Variants in EMILIN2 observed in about 807,000 individuals in gnomAD.
EMILIN2 encodes the protein EMILIN-2.
In EMILIN2, 71 loss-of-function variants were observed where a neutral mutation model predicts 87.1. The ratio of observed to expected loss-of-function variants is 0.82; its 90% CI spans 0.67 to 0.99. The LOEUF (loss-of-function observed/expected upper bound fraction) is 0.99. Ranked by LOEUF, EMILIN2 falls within the 50% of genes least tolerant of loss-of-function variation. EMILIN2 has a pLI of 0.00. For synonymous variants in EMILIN2, 581 were observed against 563.4 expected, an observed-to-expected ratio of 1.03 and a Z score of -0.44; for missense variants, 1,407 against 1,371.8, an observed-to-expected ratio of 1.03 and a Z score of -0.40.
Position 2,871,559 on chromosome 18 carries a change from C to T in EMILIN2, c.258-13405C>T, listed in dbSNP as rs148033591. ...AGGGTGTGAGCATTGGGCCTGGGAC[C>T]GCAGTTCCTCCTGCTCCACAGGTTC... On this transcript the variant is annotated intron_variant, in intron 2 of 7. Transcript: ENST00000254528. 3.8e-3 allele frequency among the ~76,000 whole-genome samples: 580 copies of T among 152,286 alleles called. 1 individual carries two copies. Among genetic ancestry groups the T allele is most frequent in the Middle Eastern group, 6.8e-3 (2 of 294 alleles).
Position 2,890,751 on chromosome 18 carries a change from G to A in EMILIN2, c.624G>A (p.Val208=). The A allele has an allele frequency of 6.2e-7, 1 of 1,613,844 alleles. No homozygotes were observed. ...VLDLQSSLAG[V]SENLKHATQD... is the part of the protein sequence containing the mutation. The stretch of plus-strand genomic sequence containing the variant: ...ACCTCCAGTCTTCCCTTGCTGGAGT[G>A]AGTGAAAATCTCAAACATGCCACTC... The change falls in exon 4 of 8, where the codon GTG becomes GTA. Residue 208 remains valine (V), a synonymous_variant. Transcript: ENST00000254528. This position sits in a 1 kb window ranked among gnomAD's most constrained non-coding sequence, Gnocchi z 4.7.
At chr18:2,900,805 A>T (rs4797090) in intron 4 of EMILIN2, among the ~76,000 whole-genome samples, 53,002 of 152,064 alleles carry the variant, frequency 0.35, 9,726 homozygotes, top group Non-Finnish European at 0.39. Flanking sequence ...AGAGCAGTCA[A>T]CTGTGAAAGC....
rs141907803 is a variant in EMILIN2, at chr18:2,853,281, C to T, written c.257+5350C>T. On this transcript the variant is annotated intron_variant, in intron 2 of 7. Transcript: ENST00000254528. ...AATTAATCCTAAAAACCCTTGGCAG[C>T]TTGAACAGTCTGGTAGATCCTGCCA... 4.6e-3 allele frequency among the ~76,000 whole-genome samples: 703 copies of T among 152,246 alleles called. 7 individuals carry two copies. The highest frequency in any genetic ancestry group is 0.015 in the African/African-American group (640 of 41,526).
chr18:2,889,410 C>G (rs138889287), intron 3 of EMILIN2, among the ~76,000 whole-genome samples: 2 of 151,942 alleles, frequency 1.3e-5, no homozygotes, highest in African/African-American at 4.8e-5. Flanking sequence ...AGTGCTGGGA[C>G]TACAGGCATG....
chr18:2,887,678 C>T (rs1182048159), intron 3 of EMILIN2, among the ~76,000 whole-genome samples: 1 of 152,172 alleles, frequency 6.6e-6, no homozygotes, highest in African/African-American at 2.4e-5. Flanking sequence ...GTACAGCCTA[C>T]AAAACTGTGA....
intron 4 of EMILIN2, among the ~76,000 whole-genome samples, chr18:2,904,824 A>G (rs960063462): frequency 1.3e-5 from 2 of 152,142 alleles, no homozygotes; most frequent in Non-Finnish European, 2.9e-5. Flanking sequence ...GAGACACTAG[A>G]TAGAGTTTCA....
In EMILIN2 at chr18:2,880,289, A is replaced by G. The variant is rs2076770200; in HGVS notation, c.258-4675A>G. On this transcript the variant is annotated intron_variant, in intron 2 of 7. Transcript: ENST00000254528. This position sits in a 1 kb window ranked among gnomAD's most constrained non-coding sequence, Gnocchi z 4.1. ...CTTTTCCAGGACTTTTTTTTTTGAC[A>G]CCTTCCTTCTCATTAGAATCTCCTG... is the stretch of plus-strand genomic sequence containing the variant. Among the ~76,000 whole-genome samples, 1 of 151,676 alleles carries G rather than the reference A, an allele frequency of 6.6e-6. No homozygotes were observed. Among genetic ancestry groups the G allele is most frequent in the African/African-American group, 2.4e-5 (1 of 41,266 alleles).
At position 2,890,305 on chromosome 18, in the gene EMILIN2, AG is replaced by A. The variant is rs2076828060; in HGVS notation, c.434-254del. Among the ~76,000 whole-genome samples, 1 of 152,144 alleles carries A rather than the reference AG, an allele frequency of 6.6e-6. No homozygotes were observed. The highest frequency in any genetic ancestry group is 2.4e-5 in the African/African-American group (1 of 41,432). Reference sequence around the variant, plus strand: ...GAAGCTGTTCTTCTTTATAGATGAGAGGATTATAGTTCACAGAAGTTAGTTA... The same window carrying A: ...GAAGCTGTTCTTCTTTATAGATGAGAGATTATAGTTCACAGAAGTTAGTTA... On this transcript the variant is annotated intron_variant, in intron 3 of 7. Coordinates refer to ENST00000254528, the MANE Select transcript of EMILIN2 (RefSeq NM_032048.3). This position sits in a 1 kb window ranked among gnomAD's most constrained non-coding sequence, Gnocchi z 4.7.
intron 2 of EMILIN2, among the ~76,000 whole-genome samples, chr18:2,854,803 A>C (rs1382916751): frequency 6.6e-6 from 1 of 152,156 alleles, no homozygotes; most frequent in African/African-American, 2.4e-5. Flanking sequence ...AAACAAAAAA[A>C]CCCAGAACAG....
At position 2,909,104 on chromosome 18, in the gene EMILIN2, C is replaced by A. The variant is rs2076928662; in HGVS notation, c.2695+129C>A. On this transcript the variant is annotated intron_variant, in intron 6 of 7. Coordinates refer to ENST00000254528, the MANE Select transcript of EMILIN2 (RefSeq NM_032048.3). Reference sequence around the variant, plus strand: ...CAAGCCTGGGCCCAGCCCTTCCCCACCCACCAGCACTGGGACAGCCCTCTG... The same window carrying A: ...CAAGCCTGGGCCCAGCCCTTCCCCAACCACCAGCACTGGGACAGCCCTCTG... 23 of 1,158,006 alleles carry A rather than the reference C, an allele frequency of 2.0e-5. No homozygotes were observed. The Middle Eastern group carries it at 2.0e-3, about 99-fold the overall frequency. 71.7% of individuals were successfully genotyped at this position (1,158,006 alleles called of 1,614,324 possible). A position where few individuals can be genotyped will look rare whatever the true frequency, so the allele number is the denominator to read the frequency against.
At chr18:2,870,185 G>C (rs1352428014) in intron 2 of EMILIN2, among the ~76,000 whole-genome samples, 1 of 152,148 alleles carries the variant, frequency 6.6e-6, no homozygotes, top group Non-Finnish European at 1.5e-5. Context: ...AGGCTACAGT[G>C]AACTATGATT....
At chr18:2,889,578 C>A (rs1361791798) in intron 3 of EMILIN2, among the ~76,000 whole-genome samples, 1 of 151,932 alleles carries the variant, frequency 6.6e-6, no homozygotes, top group Non-Finnish European at 1.5e-5. Flanking sequence ...ACTATCATTC[C>A]CCCCTTATTA....
chr18:2,892,204 C>T lies in EMILIN2; in HGVS notation c.2077C>T (p.Gln693Ter). Residue 693 changes from glutamine (Q) to a stop codon, truncating the protein, a stop_gained, in exon 4 of 8, where the codon CAG (glutamine) becomes TAG (stop). Transcript: ENST00000254528. LOFTEE classifies it high-confidence loss of function. Reference sequence around the variant, plus strand: ...GCTGGATGCTTGTAAGGAATGCACGCAGGGGGTCCAGAGGGAGGTCTCCAT... The same window carrying T: ...GCTGGATGCTTGTAAGGAATGCACGTAGGGGGTCCAGAGGGAGGTCTCCAT... ...SELDACKECT[Q>*]GVQREVSMVE... The T allele has an allele frequency of 6.2e-7, 1 of 1,607,586 alleles. No individual in the cohort carries two copies. Among genetic ancestry groups the T allele is most frequent in the Non-Finnish European group, 8.5e-7 (1 of 1,175,690 alleles).
chr18:2,867,992 C>T (rs1332987367), intron 2 of EMILIN2, among the ~76,000 whole-genome samples: 101 of 151,920 alleles, frequency 6.6e-4, no homozygotes, highest in African/African-American at 2.2e-3. Context: ...GACCCCCCCA[C>T]CTCCCTCCCG....
At chr18:2,909,121 A>T (rs2144074848) in intron 6 of EMILIN2, 146 bp downstream of exon 6, 11 of 1,037,568 alleles carry the variant, frequency 1.1e-5, no homozygotes, top group Middle Eastern at 3.0e-4. Context: ...GCACTGGGAC[A>T]GCCCTCTGCT....
intron 2 of EMILIN2, among the ~76,000 whole-genome samples, chr18:2,879,456 C>T (rs915213230): frequency 1.1e-4 from 16 of 151,944 alleles, no homozygotes; most frequent in African/African-American, 3.1e-4. Flanking sequence ...GTTGGGAGTT[C>T]GAGACCAGCC....
intron 2 of EMILIN2, among the ~76,000 whole-genome samples, chr18:2,864,491 G>T (rs1468940301): frequency 3.9e-5 from 6 of 152,142 alleles, no homozygotes; most frequent in South Asian, 2.1e-4. Context: ...ACTTAGTTTG[G>T]CTGGATATGA....
At chr18:2,874,643 T>C (rs1025243996) in intron 2 of EMILIN2, among the ~76,000 whole-genome samples, 2 of 152,120 alleles carry the variant, frequency 1.3e-5, no homozygotes, top group Non-Finnish European at 2.9e-5. Flanking sequence ...TTCAAAAACA[T>C]AGTAATACTG....
At chr18:2,912,074 T>C (rs2076943773) in intron 7 of EMILIN2, among the ~76,000 whole-genome samples, 1 of 143,460 alleles carries the variant, frequency 7.0e-6, no homozygotes, top group South Asian at 2.2e-4. Context: ...AGTCTTGTTC[T>C]GTCACCCAGG....
Sources: allele counts gnomAD v4.1 joint callset (sites outside exome capture counted in the v4.1 genomes callset), GRCh38; gene constraint gnomAD v4.1.1; non-coding constraint Gnocchi (gnomAD v3.1); transcripts MANE v1.5; gene names NCBI Gene and HGNC (gene_info 2026-07-23, HGNC 2026-07-21).